Variants in MTMR3 observed in about 807,000 individuals in gnomAD.
The protein encoded by MTMR3 is phosphatidylinositol-3,5-bisphosphate 3-phosphatase MTMR3.
Under a neutral mutation model 132.4 loss-of-function variants are expected in MTMR3, and 32 were observed. The observed-to-expected ratio is 0.24, with a 90% CI of 0.18 to 0.32. MTMR3 has a LOEUF of 0.32. Ranked by LOEUF, MTMR3 falls within the 10% of genes least tolerant of loss-of-function variation. The probability of loss-of-function intolerance (pLI) is 1.00; values close to 1 mark genes in which losing one functional copy is unlikely to be tolerated. For synonymous variants in MTMR3, 556 were observed against 550.3 expected, an observed-to-expected ratio of 1.01 and a Z score of -0.14; for missense variants, 1,216 against 1,489.6, an observed-to-expected ratio of 0.82 and a Z score of 3.02.
At chr22:29,909,743 A>AG (rs1332121081) in intron 1 of MTMR3, among the ~76,000 whole-genome samples, 1 of 152,220 alleles carries the variant, frequency 6.6e-6, no homozygotes, top group Non-Finnish European at 1.5e-5. Flanking sequence ...ACTTTGTATT[A>AG]AGGAATAATA....
At chr22:30,024,589 C>T (rs1312984090) in intron 19 of MTMR3, 2 of 152,164 alleles carry the variant, frequency 1.3e-5, no homozygotes, top group Non-Finnish European at 2.9e-5. Context: ...CCTAAGTGAT[C>T]CTTAATCCAG....
intron 1 of MTMR3, among the ~76,000 whole-genome samples, chr22:29,926,289 G>A (rs151260811): frequency 6.6e-6 from 1 of 152,112 alleles, no homozygotes; most frequent in African/African-American, 2.4e-5. Flanking sequence ...TTGTTCATCC[G>A]TCAGTGATCA....
intron 9 of MTMR3, chr22:30,004,811 G>A (rs2145931465): frequency 6.6e-6 from 1 of 152,336 alleles, no homozygotes; most frequent in South Asian, 2.1e-4. Flanking sequence ...CAGCCTAGGT[G>A]GCAGGATGCC....
intron 2 of MTMR3, among the ~76,000 whole-genome samples, chr22:29,970,246 C>G (rs5763652): frequency 6.6e-6 from 1 of 152,116 alleles, no homozygotes; most frequent in South Asian, 2.1e-4. Context: ...GTTTGGTTTC[C>G]TCAGATGGGG....
At chr22:29,975,005 C>T (rs187633555) in intron 3 of MTMR3, among the ~76,000 whole-genome samples, 5 of 152,240 alleles carry the variant, frequency 3.3e-5, no homozygotes, top group Admixed American at 2.6e-4. Context: ...CTCACTCTGT[C>T]GCCCGGGTTG....
chr22:30,019,955 T>C lies in MTMR3; in HGVS notation c.2296T>C (p.Ser766Pro), dbSNP rs2067703476. 6.2e-7 allele frequency: 1 copy of C among 1,614,084 alleles called. No individual in the cohort carries two copies. The highest frequency in any genetic ancestry group is 8.5e-7 in the Non-Finnish European group (1 of 1,180,042). ...MSWPLFSQGI[S>P]EQQSGLSVLL... is the part of the protein sequence containing the mutation. ...CTGGCCTCTGTTCTCACAGGGCATT[T>C]CTGAACAGCAGAGTGGGCTCAGTGT... Residue 766 changes from serine to proline, a missense_variant, in exon 17 of 20, where the codon TCT becomes CCT. Around this residue, in one of 7 missense-constraint regions of MTMR3, gnomAD observed 852 missense variants for 852.0 expected, o/e 1.00. Coordinates refer to ENST00000401950, the MANE Select transcript of MTMR3 (RefSeq NM_021090.4).
intron 1 of MTMR3, among the ~76,000 whole-genome samples, chr22:29,896,324 A>C (rs2064894647): frequency 6.6e-6 from 1 of 152,068 alleles, no homozygotes; most frequent in South Asian, 2.1e-4. Flanking sequence ...ACAAACAAAC[A>C]AAAAAAACTT....
chr22:30,006,038 G>A (rs2067267572), intron 9 of MTMR3: 5 of 152,160 alleles, frequency 3.3e-5, no homozygotes, highest in Admixed American at 3.3e-4. Context: ...CGTACAATAA[G>A]TTGCCTTTTG....
chr22:30,014,999 A>G (rs2067542261), intron 14 of MTMR3: 1 of 152,204 alleles, frequency 6.6e-6, no homozygotes. Context: ...ACTACTAGGT[A>G]TCTCCACTTG....
chr22:29,901,617 T>C (rs2065003757), intron 1 of MTMR3, among the ~76,000 whole-genome samples: 1 of 152,204 alleles, frequency 6.6e-6, no homozygotes, highest in Non-Finnish European at 1.5e-5. Flanking sequence ...TCACCTCTAG[T>C]CTCTGGCAAC....
chr22:29,883,993 T>C (rs563389042), intron 1 of MTMR3, among the ~76,000 whole-genome samples: 4 of 152,336 alleles, frequency 2.6e-5, no homozygotes, highest in South Asian at 2.1e-4. Flanking sequence ...ATTTCTCCGG[T>C]AGTAATTTTG....
At chr22:29,964,787 A>T (rs757890173) in intron 2 of MTMR3, among the ~76,000 whole-genome samples, 2 of 152,178 alleles carry the variant, frequency 1.3e-5, no homozygotes, top group South Asian at 4.1e-4. Context: ...CTTAAAATCA[A>T]ATCACGTCAC....
Position 30,025,416 on chromosome 22 carries a change from C to G in MTMR3, c.3426-214C>G, listed in dbSNP as rs1053227335. The G allele has an allele frequency of 1.0e-5, 6 of 583,066 alleles. No individual in the cohort carries two copies. In the African/African-American group the frequency reaches 1.1e-4, roughly 11 times the overall value. The allele number at this position is 583,066 out of a possible 1,614,324, so 36.1% of individuals were successfully genotyped here. On this transcript the variant is annotated intron_variant, in intron 19 of 19. Coordinates refer to ENST00000401950, the MANE Select transcript of MTMR3 (RefSeq NM_021090.4). ...AGTCAGTGGTGAGGCAGCCAAGAAT[C>G]CTTGGCCCCAAAGTGAAAATGACAT...
intron 1 of MTMR3, among the ~76,000 whole-genome samples, chr22:29,928,932 AGG>A (rs1251617747): frequency 6.6e-6 from 1 of 152,220 alleles, no homozygotes; most frequent in Non-Finnish European, 1.5e-5. Flanking sequence ...TATATTGTCA[AGG>A]TACTCTTCAA....
intron 3 of MTMR3, among the ~76,000 whole-genome samples, chr22:29,974,641 G>C (rs2066596751): frequency 1.3e-5 from 2 of 152,222 alleles, no homozygotes; most frequent in Admixed American, 1.3e-4. Context: ...GCCAGCAAGA[G>C]TGAGTAGGTA....
At chr22:29,938,962 C>A (rs1053649704) in intron 1 of MTMR3, among the ~76,000 whole-genome samples, 19 of 152,152 alleles carry the variant, frequency 1.2e-4, no homozygotes, top group Non-Finnish European at 1.9e-4. Context: ...GCTGGGACTA[C>A]AGGCACCCGC....
At chr22:29,902,312 T>A (rs1322328380) in intron 1 of MTMR3, among the ~76,000 whole-genome samples, 3 of 152,190 alleles carry the variant, frequency 2.0e-5, no homozygotes, top group African/African-American at 7.2e-5. Context: ...AGTGCATAAT[T>A]TCATATTTTA....
intron 1 of MTMR3, among the ~76,000 whole-genome samples, chr22:29,918,077 A>T (rs1380149776): frequency 6.6e-6 from 1 of 152,202 alleles, no homozygotes; most frequent in Non-Finnish European, 1.5e-5. Flanking sequence ...ATTTAGAAAA[A>T]ATTAGTAACT....
chr22:30,005,893 A>T (rs1448703304), intron 9 of MTMR3: 1 of 152,194 alleles, frequency 6.6e-6, no homozygotes. Context: ...ATAGAAACAT[A>T]CTCGTTTTAA....
Sources: allele counts gnomAD v4.1 joint callset (sites outside exome capture counted in the v4.1 genomes callset), GRCh38; gene constraint gnomAD v4.1.1; regional missense constraint gnomAD v4.1.1; transcripts MANE v1.5; gene names NCBI Gene and HGNC (gene_info 2026-07-23, HGNC 2026-07-21).